The following CACNA1B variants were observed in gnomAD, a reference collection of about 807,000 sequenced individuals.
The protein encoded by CACNA1B is calcium voltage-gated channel subunit alpha1 B.
In CACNA1B, 70 loss-of-function variants were observed where a neutral mutation model predicts 247.2. The observed-to-expected ratio is 0.28, with a 90% confidence interval of 0.23 to 0.35. The LOEUF is 0.35. Among genes scored for constraint, CACNA1B ranks in the 10% least tolerant of loss-of-function variants. The probability of loss-of-function intolerance (pLI) is 1.00; values close to 1 mark genes in which losing one functional copy is unlikely to be tolerated. For missense variants in CACNA1B, 2,367 were observed against 3,197.4 expected (o/e 0.74, Z 6.26); for synonymous variants, 1,231 against 1,294.4 (o/e 0.95, Z 1.05).
intron 6 of CACNA1B, among the ~76,000 whole-genome samples, chr9:137,930,937 T>C (rs1276300664): frequency 6.6e-6 from 1 of 152,190 alleles, no homozygotes; most frequent in Non-Finnish European, 1.5e-5. Flanking sequence ...TTTGTATAAA[T>C]CTTTTTTTAT....
Position 137,971,361 on chromosome 9 carries a change from C to T in CACNA1B, c.1334-22C>T, listed in dbSNP as rs1166896974. 1.9e-6 allele frequency: 3 copies of T among 1,580,724 alleles called. No individual in the cohort carries two copies. The highest frequency in any genetic ancestry group is 2.6e-6 in the Non-Finnish European group (3 of 1,158,612). ...GGGTGCCCATTGGTCCCCACATCCT[C>T]AGTAACTCCCCATCCCCTCAGGATC... On this transcript the variant is annotated intron_variant, in intron 10 of 46. Transcript: ENST00000371372. This position sits in a 1 kb window ranked among gnomAD's most constrained non-coding sequence, Gnocchi z 4.4.
intron 3 of CACNA1B, among the ~76,000 whole-genome samples, chr9:137,907,958 G>A (rs546693318): frequency 1.7e-3 from 263 of 152,288 alleles, no homozygotes; most frequent in Non-Finnish European, 3.0e-3. Flanking sequence ...GATTTGGAAC[G>A]GCGCCACCGC....
chr9:138,039,523 A>C (rs1213311764), intron 20 of CACNA1B, among the ~76,000 whole-genome samples: 1 of 152,168 alleles, frequency 6.6e-6, no homozygotes, highest in Non-Finnish European at 1.5e-5. Flanking sequence ...TTGTTTTTTT[A>C]GGACACAGTT....
chr9:138,065,047 A>G (rs561127450), intron 31 of CACNA1B, among the ~76,000 whole-genome samples: 141 of 152,278 alleles, frequency 9.3e-4, no homozygotes, highest in African/African-American at 3.3e-3. Context: ...ACCTCATTTA[A>G]TGTGGGCTAT....
intron 31 of CACNA1B, among the ~76,000 whole-genome samples, chr9:138,067,514 C>T (rs2133524329): frequency 6.6e-6 from 1 of 152,294 alleles, no homozygotes; most frequent in Middle Eastern, 3.4e-3. Context: ...GAGTGGATAA[C>T]ATTGTGAAGC....
chr9:138,041,470 A>C (rs769644712), intron 20 of CACNA1B, among the ~76,000 whole-genome samples: 1 of 152,168 alleles, frequency 6.6e-6, no homozygotes, highest in African/African-American at 2.4e-5. Context: ...TTTTTTAACT[A>C]TTAAGTCTTT....
Position 138,122,040 on chromosome 9 carries a change from G to C in CACNA1B, c.*41G>C. 2 of 1,522,460 alleles carry C rather than the reference G, an allele frequency of 1.3e-6. No homozygotes were observed. The highest frequency in any genetic ancestry group is 1.8e-6 in the Non-Finnish European group (2 of 1,130,960). The allele number at this position is 1,522,460 out of a possible 1,614,324, so 94.3% of individuals were successfully genotyped here. A position where few individuals can be genotyped will look rare whatever the true frequency, so the allele number is the denominator to read the frequency against. ...TCAGACGCCTGCATGCAGCAGGCGT[G>C]TGTTCCAGTGGATGAGTTTTATCAT... On this transcript the variant is annotated 3_prime_UTR_variant, in exon 47 of 47. Coordinates refer to ENST00000371372, the MANE Select transcript of CACNA1B (RefSeq NM_000718.4).
chr9:137,894,660 G>A (rs1021624955), intron 3 of CACNA1B, among the ~76,000 whole-genome samples: 5 of 151,940 alleles, frequency 3.3e-5, no homozygotes, highest in Admixed American at 2.0e-4. Context: ...CGCCCACCTC[G>A]GCCTCCCAAA....
rs112252740 is a variant in CACNA1B, at chr9:137,919,728, A to G, written c.966+2297A>G. Among the ~76,000 whole-genome samples, 274 of 152,338 alleles carry G rather than the reference A, an allele frequency of 1.8e-3. 3 individuals carry two copies. Among genetic ancestry groups the G allele is most frequent in the African/African-American group, 6.3e-3 (260 of 41,588 alleles). On this transcript the variant is annotated intron_variant, in intron 6 of 46. Transcript: ENST00000371372. The surrounding 1 kb of genome is among the most constrained non-coding windows in gnomAD (Gnocchi z 4.6). The stretch of plus-strand genomic sequence containing the variant: ...TAGGGGTGGAGGCAGAGAGATGGAA[A>G]GCTCAGTCCGTGTTGGGAGCAGGAG...
At chr9:137,910,596 G>A (rs1333855400) in intron 3 of CACNA1B, among the ~76,000 whole-genome samples, 1 of 152,106 alleles carries the variant, frequency 6.6e-6, no homozygotes, top group Non-Finnish European at 1.5e-5. Flanking sequence ...GCAACTAGAC[G>A]GTCCCATCTG....
chr9:138,118,587 G>C (rs539848043), intron 43 of CACNA1B, 65 bp from the exon 44 acceptor site: 1 of 780,996 alleles, frequency 1.3e-6, no homozygotes. Context: ...GAGTGAGTCC[G>C]GGGTGGGATC....
chr9:138,016,196 A>G (rs921060327), intron 18 of CACNA1B, among the ~76,000 whole-genome samples: 2 of 152,146 alleles, frequency 1.3e-5, no homozygotes, highest in African/African-American at 4.8e-5. Context: ...TGTCACACTC[A>G]CACACCCTCT....
chr9:138,046,063 C>T (rs1462738901), intron 21 of CACNA1B, among the ~76,000 whole-genome samples: 2 of 152,222 alleles, frequency 1.3e-5, no homozygotes, highest in Non-Finnish European at 1.5e-5. Flanking sequence ...ATGGGCTTCC[C>T]AGCCTCCTGG....
In CACNA1B at chr9:138,049,971, C is replaced by T. The variant is rs142243547; in HGVS notation, c.3710+656C>T. ...AGAGACAAGGAAGACCCCTAGTGGACGACAGACATGAGGGAGGGTCCACAT... is the reference window on the plus strand; with the variant it reads ...AGAGACAAGGAAGACCCCTAGTGGATGACAGACATGAGGGAGGGTCCACAT... On this transcript the variant is annotated intron_variant, in intron 24 of 46. Coordinates refer to ENST00000371372, the MANE Select transcript of CACNA1B (RefSeq NM_000718.4). The T allele has an allele frequency of 5.0e-5, 38 of 755,646 alleles. No individual in the cohort carries two copies. In the East Asian group the frequency reaches 8.3e-4, roughly 17 times the overall value. The allele number at this position is 755,646 out of a possible 1,614,324, so 46.8% of individuals were successfully genotyped here.
At chr9:137,892,986 G>C (rs1957124120) in intron 3 of CACNA1B, among the ~76,000 whole-genome samples, 1 of 152,210 alleles carries the variant, frequency 6.6e-6, no homozygotes, top group African/African-American at 2.4e-5. Context: ...ACACACGGGA[G>C]GGGGGCCGCC....
At chr9:138,117,886 A>G (rs781178961) in intron 42 of CACNA1B, 60 bp from the exon 43 acceptor site, 22 of 1,391,618 alleles carry the variant, frequency 1.6e-5, no homozygotes, top group East Asian at 2.5e-5. Flanking sequence ...GCACCAGGCT[A>G]TTGGTAAGGC....
chr9:138,032,543 G>T, intron 20 of CACNA1B: 1 of 344,656 alleles, frequency 2.9e-6, no homozygotes. Flanking sequence ...ACTTCCTTAG[G>T]CATTCTTTTG....
chr9:138,008,568 C>CACCTGTCCAGCCAGAGAGGG (rs1377006341), intron 16 of CACNA1B, among the ~76,000 whole-genome samples: 1 of 152,162 alleles, frequency 6.6e-6, no homozygotes, highest in Non-Finnish European at 1.5e-5. Context: ...AGGGAGGGGG[C>CACCTGTCCAGCCAGAGAGGG]ACCTGTCCAG....
Position 137,950,167 on chromosome 9 carries a change from G to A in CACNA1B, c.967-2107G>A, listed in dbSNP as rs780797143. Among the ~76,000 whole-genome samples, 10 of 152,294 alleles carry A rather than the reference G, an allele frequency of 6.6e-5. No homozygotes were observed. In the East Asian group the frequency reaches 9.7e-4, roughly 15 times the overall value. On this transcript the variant is annotated intron_variant, in intron 6 of 46. Transcript: ENST00000371372. This position sits in a 1 kb window ranked among gnomAD's most constrained non-coding sequence, Gnocchi z 4.8. The stretch of plus-strand genomic sequence containing the variant: ...TAGCGTGTTCTCCTTACTGCTGGGC[G>A]GGGGTGGCCGGTCTGGCTCCCCACC...
Sources: gnomAD v4.1 joint callset for allele counts (sites outside exome capture counted in the v4.1 genomes callset) on GRCh38, gnomAD v4.1.1 for gene constraint, Gnocchi (gnomAD v3.1) non-coding constraint, MANE v1.5 for transcripts, NCBI Gene and HGNC (gene_info 2026-07-23, HGNC 2026-07-21) for gene names.